Variants in CDC40 observed in about 807,000 individuals in gnomAD.
The protein encoded by CDC40 is pre-mRNA-processing factor 17.
In CDC40, 27 loss-of-function variants were observed where a neutral mutation model predicts 80.6. The observed-to-expected ratio is 0.33, with a 90% CI of 0.25 to 0.46. CDC40 has a LOEUF of 0.46. CDC40 is among the 20% of genes least tolerant of loss of function. The pLI is 1.00. For synonymous variants in CDC40, 221 were observed against 232.6 expected (o/e 0.95, Z 0.45); for missense variants, 486 against 694.1 (o/e 0.70, Z 3.37).
intron 13 of CDC40, 64 bp downstream of exon 13, chr6:110,226,307 C>A: frequency 1.9e-6 from 2 of 1,049,270 alleles, no homozygotes; most frequent in East Asian, 2.4e-5. Context: ...TTTCTTTATT[C>A]AAAAGAACTT....
intron 2 of CDC40, among the ~76,000 whole-genome samples, chr6:110,197,187 T>A (rs1214547091): frequency 6.6e-6 from 1 of 152,220 alleles, no homozygotes; most frequent in African/African-American, 2.4e-5. Context: ...CCCAACTCTA[T>A]AAGTAAACCA....
At position 110,231,907 on chromosome 6, in the gene CDC40, A is replaced by G. The variant is rs994015130; in HGVS notation, c.*1776A>G. ...CAGAGGCACCCAAAGAAATACAAAC[A>G]TTGCCTAGCTGCTGCCATTTCTGTA... is the stretch of plus-strand genomic sequence containing the variant. On this transcript the variant is annotated 3_prime_UTR_variant, in exon 15 of 15. Transcript: ENST00000307731. 1 of 146,178 alleles carries G rather than the reference A, an allele frequency of 6.8e-6. No individual in the cohort carries two copies. Among genetic ancestry groups the G allele is most frequent in the African/African-American group, 2.6e-5 (1 of 38,810 alleles). The allele number at this position is 146,178 out of a possible 1,614,324, so 9.1% of individuals were successfully genotyped here.
chr6:110,209,743 G>A (rs1281765185), intron 5 of CDC40, among the ~76,000 whole-genome samples: 1 of 152,046 alleles, frequency 6.6e-6, no homozygotes. Context: ...CTAGGTCCCA[G>A]GCATACAGCA....
chr6:110,217,708 G>T lies in CDC40; in HGVS notation c.995G>T (p.Ser332Ile). The change falls in exon 10 of 15, where the codon AGT becomes ATT. Residue 332 changes from serine to isoleucine, a missense_variant. Coordinates refer to ENST00000307731, the MANE Select transcript of CDC40 (RefSeq NM_015891.3). ...CTGTTGACTCCACCTTTAGGTCACA[G>T]TAAGGCTGTTAGGGATATCTGCTTC... is the stretch of plus-strand genomic sequence containing the variant. Reference protein sequence around the residue: ...RRCLRTFIGHSKAVRDICFNT... With the variant: ...RRCLRTFIGHIKAVRDICFNT... 6.5e-7 allele frequency: 1 copy of T among 1,548,110 alleles called. No homozygotes were observed. Among genetic ancestry groups the T allele is most frequent in the Non-Finnish European group, 8.9e-7 (1 of 1,120,034 alleles).
intron 6 of CDC40, 46 bp downstream of exon 6, chr6:110,210,849 AT>A: frequency 9.9e-7 from 1 of 1,013,942 alleles, no homozygotes; most frequent in Non-Finnish European, 1.4e-6. Context: ...AAACCTTCAT[AT>A]TTACTCTGTT....
intron 1 of CDC40, among the ~76,000 whole-genome samples, chr6:110,182,748 C>A (rs1364089401): frequency 6.6e-6 from 1 of 152,234 alleles, no homozygotes; most frequent in Admixed American, 6.5e-5. Flanking sequence ...TCTCTCTCTT[C>A]TGCTGCCACT....
chr6:110,189,028 G>A (rs1256145611), intron 1 of CDC40, among the ~76,000 whole-genome samples: 1 of 152,178 alleles, frequency 6.6e-6, no homozygotes, highest in Non-Finnish European at 1.5e-5. Flanking sequence ...AACCCTGACT[G>A]ATACACCTAG....
At chr6:110,186,668 G>A (rs1311254308) in intron 1 of CDC40, among the ~76,000 whole-genome samples, 1 of 152,036 alleles carries the variant, frequency 6.6e-6, no homozygotes, top group East Asian at 1.9e-4. Context: ...GTTTCCCTTT[G>A]AAAGTGATTT....
Position 110,207,532 on chromosome 6 carries a change from AATC to A in CDC40, c.438_440del (p.His146del). ...TTATGCATTAGACCCTTCATTAGAT[AATC>A]ATCAAGTGTCTGCTAAATATATTGG... On this transcript the variant is annotated inframe_deletion, in exon 4 of 15. Transcript: ENST00000307731. 1.2e-6 allele frequency: 2 copies of A among 1,602,696 alleles called. No individual in the cohort carries two copies. The highest frequency in any genetic ancestry group is 1.7e-6 in the Non-Finnish European group (2 of 1,170,462).
At chr6:110,187,477 G>A (rs1013364781) in intron 1 of CDC40, among the ~76,000 whole-genome samples, 10 of 152,072 alleles carry the variant, frequency 6.6e-5, no homozygotes, top group Non-Finnish European at 1.2e-4. Flanking sequence ...TCAAATGGAC[G>A]ACCTTTTCCC....
chr6:110,191,529 T>C (rs1472455636), intron 1 of CDC40, among the ~76,000 whole-genome samples: 1 of 152,060 alleles, frequency 6.6e-6, no homozygotes, highest in Non-Finnish European at 1.5e-5. Flanking sequence ...TGAGGATAAA[T>C]GTAATGGAGG....
chr6:110,229,886 T>C lies in CDC40; in HGVS notation c.1563-68T>C, dbSNP rs1276074908. The C allele has an allele frequency of 7.1e-5, 70 of 989,948 alleles. No individual in the cohort carries two copies. The South Asian group carries it at 9.4e-4, about 13-fold the overall frequency. The allele number at this position is 989,948 out of a possible 1,614,324, so 61.3% of individuals were successfully genotyped here. On this transcript the variant is annotated intron_variant, in intron 14 of 14. Coordinates refer to ENST00000307731, the MANE Select transcript of CDC40 (RefSeq NM_015891.3). The stretch of plus-strand genomic sequence containing the variant: ...TGTTAACGTGAAAAGATAACGTCCC[T>C]ATTCCTCATTCGCCTTACCAATTTA...
intron 8 of CDC40, among the ~76,000 whole-genome samples, chr6:110,214,517 A>G (rs1039306670): frequency 6.6e-6 from 1 of 152,210 alleles, no homozygotes; most frequent in Non-Finnish European, 1.5e-5. Flanking sequence ...TGTGCTGAAA[A>G]TAACAGTTTT....
intron 4 of CDC40, 42 bp downstream of exon 4, chr6:110,207,631 T>C (rs1401550133): frequency 1.0e-6 from 1 of 1,004,244 alleles, no homozygotes; most frequent in East Asian, 2.4e-5. Context: ...TACCTACACA[T>C]CTATAATTAG....
At chr6:110,219,298 A>G in intron 10 of CDC40, 66 bp from the exon 11 acceptor site, 3 of 730,906 alleles carry the variant, frequency 4.1e-6, no homozygotes, top group Non-Finnish European at 4.7e-6. Context: ...TCTAGATCTT[A>G]ATCTCACAGT....
Position 110,191,894 on chromosome 6 carries a change from T to C in CDC40, c.190-1288T>C, listed in dbSNP as rs1187738174. Among the ~76,000 whole-genome samples the C allele has an allele frequency of 2.6e-5, 4 of 152,202 alleles. No individual in the cohort carries two copies. In the East Asian group the frequency reaches 7.7e-4, roughly 29 times the overall value. On this transcript the variant is annotated intron_variant, in intron 1 of 14. Coordinates refer to ENST00000307731, the MANE Select transcript of CDC40 (RefSeq NM_015891.3). ...AATATAATTTGTAGATGATATATAATTTCTTTACAATTTTTAAAATAGAAC... is the reference window on the plus strand; with the variant it reads ...AATATAATTTGTAGATGATATATAACTTCTTTACAATTTTTAAAATAGAAC...
chr6:110,214,911 C>T (rs1324370919), intron 8 of CDC40, among the ~76,000 whole-genome samples: 1 of 152,066 alleles, frequency 6.6e-6, no homozygotes, highest in African/African-American at 2.4e-5. Context: ...TTCCTTTAAA[C>T]GTCATTTGTA....
chr6:110,192,967 T>A (rs1226162605), intron 1 of CDC40, among the ~76,000 whole-genome samples: 3 of 152,294 alleles, frequency 2.0e-5, no homozygotes, highest in South Asian at 4.1e-4. Context: ...AATTAAAAAA[T>A]TTTAAATTGT....
At chr6:110,222,016 G>C (rs1411837056) in intron 12 of CDC40, among the ~76,000 whole-genome samples, 2 of 152,180 alleles carry the variant, frequency 1.3e-5, no homozygotes, top group Non-Finnish European at 2.9e-5. Flanking sequence ...AGCACTTTGA[G>C]AGGCTGAGTT....
Sources: gnomAD v4.1 joint callset for allele counts (sites outside exome capture counted in the v4.1 genomes callset) on GRCh38, gnomAD v4.1.1 for gene constraint, MANE v1.5 for transcripts, NCBI Gene and HGNC (gene_info 2026-07-23, HGNC 2026-07-21) for gene names.